The following TULP3 variants were observed in gnomAD, a reference collection of about 807,000 sequenced individuals.
TULP3 encodes TUB like protein 3.
A neutral mutation model predicts 50.7 loss-of-function variants in TULP3; 38 were observed. That is an observed-to-expected ratio of 0.75 (90% CI 0.58 to 0.98). The LOEUF (loss-of-function observed/expected upper bound fraction) is 0.98, where lower values mean the gene tolerates loss of function less well. Among genes scored for constraint, TULP3 ranks in the 50% least tolerant of loss-of-function variants. The pLI is 0.00. For synonymous variants in TULP3, 183 were observed against 196.6 expected, an observed-to-expected ratio of 0.93 and a Z score of 0.58; for missense variants, 550 against 568.0, an observed-to-expected ratio of 0.97 and a Z score of 0.32.
At chr12:2,918,977 C>T (rs1232966660) in intron 2 of TULP3, among the ~76,000 whole-genome samples, 1 of 151,972 alleles carries the variant, frequency 6.6e-6, no homozygotes, top group Non-Finnish European at 1.5e-5. Flanking sequence ...ACCACAACCT[C>T]TACCTCCTGG....
At chr12:2,899,988 G>A (rs1460955238) in intron 1 of TULP3, among the ~76,000 whole-genome samples, 2 of 151,994 alleles carry the variant, frequency 1.3e-5, no homozygotes, top group East Asian at 3.8e-4. Flanking sequence ...GTTGAGGCAG[G>A]CGCGTCACCT....
chr12:2,936,846 G>A (rs1426750897), intron 8 of TULP3, among the ~76,000 whole-genome samples: 6 of 151,992 alleles, frequency 3.9e-5, no homozygotes, highest in South Asian at 2.1e-4. Context: ...AGTGGCTCAC[G>A]CCTGTAATCC....
intron 1 of TULP3, 150 bp downstream of exon 1, chr12:2,891,138 C>T (rs1369784320): frequency 8.5e-6 from 8 of 944,698 alleles, no homozygotes; most frequent in Non-Finnish European, 1.2e-5. Flanking sequence ...CGGGAGGCGA[C>T]CCCCTCGCCC....
At chr12:2,899,092 T>C (rs1023469116) in intron 1 of TULP3, among the ~76,000 whole-genome samples, 4 of 152,128 alleles carry the variant, frequency 2.6e-5, no homozygotes, top group African/African-American at 9.7e-5. Context: ...ACGCCTGTAA[T>C]CCCAGCACTT....
chr12:2,901,158 G>T (rs2098179005), intron 1 of TULP3, among the ~76,000 whole-genome samples: 1 of 151,584 alleles, frequency 6.6e-6, no homozygotes, highest in African/African-American at 2.4e-5. Flanking sequence ...TGTTCCCCAG[G>T]CTGGAGTGCA....
intron 2 of TULP3, among the ~76,000 whole-genome samples, chr12:2,914,734 G>A (rs991908703): frequency 5.3e-5 from 8 of 151,848 alleles, no homozygotes; most frequent in African/African-American, 1.7e-4. Flanking sequence ...CCAGATTCAC[G>A]TGATTTTTGT....
chr12:2,916,008 T>C (rs931679930), intron 2 of TULP3, among the ~76,000 whole-genome samples: 3 of 152,158 alleles, frequency 2.0e-5, no homozygotes, highest in Non-Finnish European at 4.4e-5. Flanking sequence ...CTATCATTAA[T>C]TTAAATGAAG....
chr12:2,898,336 A>C (rs1442005267), intron 1 of TULP3, among the ~76,000 whole-genome samples: 1 of 151,984 alleles, frequency 6.6e-6, no homozygotes, highest in African/African-American at 2.4e-5. Context: ...AGACCTTTTT[A>C]ATTATTTTTT....
intron 4 of TULP3, among the ~76,000 whole-genome samples, chr12:2,923,328 C>T (rs140610606): frequency 2.2e-3 from 337 of 152,114 alleles, no homozygotes; most frequent in Non-Finnish European, 4.2e-3. Flanking sequence ...AATAAATGAA[C>T]GTTTAAACAA....
At chr12:2,912,354 G>T (rs1275065325) in intron 2 of TULP3, among the ~76,000 whole-genome samples, 1 of 152,194 alleles carries the variant, frequency 6.6e-6, no homozygotes, top group African/African-American at 2.4e-5. Flanking sequence ...CTCAGCCCAG[G>T]CATCCCAGGT....
chr12:2,937,992 T>C, intron 9 of TULP3, 122 bp from the exon 10 acceptor site: 2 of 1,124,956 alleles, frequency 1.8e-6, no homozygotes. Flanking sequence ...TCTTCATTGT[T>C]GGCTTTCATT....
rs2098203772 is a variant in TULP3 at position 2,940,021 on chromosome 12, G to A, written c.*577G>A. The A allele has an allele frequency of 7.8e-7, 1 of 1,288,260 alleles. No individual in the cohort carries two copies. Among genetic ancestry groups the A allele is most frequent in the South Asian group, 1.2e-5 (1 of 81,010 alleles). The allele number at this position is 1,288,260 out of a possible 1,614,324, so 79.8% of individuals were successfully genotyped here. On this transcript the variant is annotated 3_prime_UTR_variant, in exon 11 of 11. Transcript: ENST00000448120. ...CCTCTCCTCTCTTCATTCCCTCACA[G>A]CAGATTGGCCGGCACCAATCTTAGT...
At chr12:2,898,305 T>C (rs2098176769) in intron 1 of TULP3, among the ~76,000 whole-genome samples, 1 of 152,132 alleles carries the variant, frequency 6.6e-6, no homozygotes, top group Non-Finnish European at 1.5e-5. Context: ...TGAACTAATA[T>C]AGGCCAAGCC....
intron 8 of TULP3, among the ~76,000 whole-genome samples, chr12:2,935,686 G>T (rs1444655836): frequency 6.6e-6 from 1 of 152,040 alleles, no homozygotes; most frequent in Non-Finnish European, 1.5e-5. Context: ...TAATCTGCTT[G>T]GCTTGGCTGG....
chr12:2,914,128 T>TTTG (rs1198333071), intron 2 of TULP3, among the ~76,000 whole-genome samples: 1 of 149,816 alleles, frequency 6.7e-6, no homozygotes, highest in African/African-American at 2.5e-5. Context: ...AATAATTCTT[T>TTTG]TTTTTTTTTT....
At chr12:2,912,013 A>G (rs1289052163) in intron 2 of TULP3, among the ~76,000 whole-genome samples, 2 of 152,000 alleles carry the variant, frequency 1.3e-5, no homozygotes, top group Admixed American at 6.6e-5. Context: ...TGAAATGCCA[A>G]TAAGTGCTTA....
At chr12:2,903,190 C>T (rs2098180201) in intron 1 of TULP3, among the ~76,000 whole-genome samples, 1 of 151,530 alleles carries the variant, frequency 6.6e-6, no homozygotes. Context: ...GTAGCCAGTC[C>T]ACAACAATGA....
At chr12:2,923,921 A>G (rs1044050284) in intron 4 of TULP3, among the ~76,000 whole-genome samples, 2 of 151,306 alleles carry the variant, frequency 1.3e-5, no homozygotes, top group East Asian at 2.0e-4. Context: ...TGGAGGTTGC[A>G]CTAAGCTTGC....
At chr12:2,904,166 G>T (rs10735012) in intron 1 of TULP3, among the ~76,000 whole-genome samples, 72,661 of 151,914 alleles carry the variant, frequency 0.48, 17,837 homozygotes, top group African/African-American at 0.6. Flanking sequence ...TGATTCACAG[G>T]CCTTATTTGA....
Sources: gnomAD v4.1 joint callset for allele counts (sites outside exome capture counted in the v4.1 genomes callset) on GRCh38, gnomAD v4.1.1 for gene constraint, MANE v1.5 for transcripts, NCBI Gene and HGNC (gene_info 2026-07-23, HGNC 2026-07-21) for gene names.